Variants in ABTB3 observed in about 807,000 individuals in gnomAD.
The protein encoded by ABTB3 is ankyrin repeat and BTB domain containing 3, also known as ankyrin repeat- and BTB/POZ domain-containing protein 3.
chr12:107,584,300 C>T, the ABTB3 span, among the ~76,000 whole-genome samples: 1 of 152,184 alleles, frequency 6.6e-6, no homozygotes, highest in African/African-American at 2.4e-5. Flanking sequence ...CATAGCTGTC[C>T]CCAACAACTG....
At chr12:107,478,595 T>C in the ABTB3 span, among the ~76,000 whole-genome samples, 1 of 152,208 alleles carries the variant, frequency 6.6e-6, no homozygotes, top group Non-Finnish European at 1.5e-5. Context: ...TTTTCCATCA[T>C]GTGAAGAGTT....
chr12:107,512,444 C>G, the ABTB3 span, among the ~76,000 whole-genome samples: 2 of 152,124 alleles, frequency 1.3e-5, no homozygotes, highest in African/African-American at 4.8e-5. Flanking sequence ...TAAAGGTTTT[C>G]CATTTGAGGT....
At chr12:107,448,729 C>G in the ABTB3 span, among the ~76,000 whole-genome samples, 1 of 151,940 alleles carries the variant, frequency 6.6e-6, no homozygotes, top group Non-Finnish European at 1.5e-5. Context: ...CAAACTCCAC[C>G]ACCCAGGTTC....
the ABTB3 span, among the ~76,000 whole-genome samples, chr12:107,474,396 C>T: frequency 6.6e-6 from 1 of 152,128 alleles, no homozygotes; most frequent in East Asian, 1.9e-4. Flanking sequence ...TAATTTATAA[C>T]ACGATATTGA....
chr12:107,555,572 G>A, the ABTB3 span, among the ~76,000 whole-genome samples: 8 of 151,904 alleles, frequency 5.3e-5, no homozygotes, highest in Non-Finnish European at 1.2e-4. Flanking sequence ...ATGGGAAAAC[G>A]GAAAAAAAAT....
chr12:107,601,053 C>A, the ABTB3 span, among the ~76,000 whole-genome samples: 15 of 152,184 alleles, frequency 9.9e-5, no homozygotes, highest in African/African-American at 3.4e-4. Flanking sequence ...TTACGCATTC[C>A]ATGTATTAGG....
the ABTB3 span, chr12:107,580,911 GGAAACT>G: frequency 1.3e-6 from 2 of 1,551,292 alleles, no homozygotes; most frequent in East Asian, 4.9e-5. Context: ...CTACAGATGA[GGAAACT>G]GAGGCCCAAG....
chr12:107,557,281 A>G, the ABTB3 span, among the ~76,000 whole-genome samples: 3 of 152,110 alleles, frequency 2.0e-5, no homozygotes, highest in Non-Finnish European at 4.4e-5. Flanking sequence ...CCTGTCTAGC[A>G]TGTTACTCTA....
the ABTB3 span, among the ~76,000 whole-genome samples, chr12:107,381,859 T>C: frequency 6.6e-6 from 1 of 152,206 alleles, no homozygotes; most frequent in Non-Finnish European, 1.5e-5. Context: ...AGGATCAGCC[T>C]CAGCAGGGCA....
the ABTB3 span, among the ~76,000 whole-genome samples, chr12:107,561,152 G>A: frequency 3.3e-5 from 5 of 152,080 alleles, no homozygotes; most frequent in African/African-American, 4.8e-5. Context: ...CCTTTGTCCC[G>A]TTGCTCTGTA....
At chr12:107,535,180 A>T in the ABTB3 span, among the ~76,000 whole-genome samples, 2 of 152,188 alleles carry the variant, frequency 1.3e-5, no homozygotes, top group East Asian at 3.9e-4. Context: ...CAGGGTAAAG[A>T]ACAAAAACCA....
chr12:107,496,438 A>G, the ABTB3 span, among the ~76,000 whole-genome samples: 1 of 152,174 alleles, frequency 6.6e-6, no homozygotes, highest in Non-Finnish European at 1.5e-5. Flanking sequence ...GGCAGGGGAT[A>G]TAAAGATGCA....
the ABTB3 span, among the ~76,000 whole-genome samples, chr12:107,523,910 C>T: frequency 6.6e-6 from 1 of 152,166 alleles, no homozygotes; most frequent in Non-Finnish European, 1.5e-5. Flanking sequence ...CACCATGTGG[C>T]CCACACACAC....
the ABTB3 span, among the ~76,000 whole-genome samples, chr12:107,504,303 C>G: frequency 6.6e-6 from 1 of 152,208 alleles, no homozygotes; most frequent in East Asian, 1.9e-4. Flanking sequence ...TTTTACGTGC[C>G]ATTAACATCT....
At chr12:107,632,492 C>T in the ABTB3 span, among the ~76,000 whole-genome samples, 1 of 152,176 alleles carries the variant, frequency 6.6e-6, no homozygotes. Context: ...ACCACGTGTC[C>T]ACTATGTGTC....
chr12:107,617,641 T>C, the ABTB3 span: 2 of 602,006 alleles, frequency 3.3e-6, no homozygotes, highest in East Asian at 5.8e-5. Flanking sequence ...CAGAATGCTT[T>C]ATTTTACCTG....
chr12:107,415,923 A>G, the ABTB3 span, among the ~76,000 whole-genome samples: 1 of 152,002 alleles, frequency 6.6e-6, no homozygotes, highest in African/African-American at 2.4e-5. Flanking sequence ...ACACTCTGAC[A>G]GTCTGAGTCT....
the ABTB3 span, among the ~76,000 whole-genome samples, chr12:107,357,000 T>C: frequency 0.71 from 108,707 of 152,194 alleles, 39,571 homozygotes; most frequent in African/African-American, 0.86. Flanking sequence ...TGATTGAAGG[T>C]TAGCTGTAAT....
At chr12:107,654,325 A>G in the ABTB3 span, among the ~76,000 whole-genome samples, 17,027 of 151,752 alleles carry the variant, frequency 0.11, 1,212 homozygotes, top group African/African-American at 0.19. Flanking sequence ...TTGTTTTTTA[A>G]TCTTGCTCTG....
Sources: allele counts gnomAD v4.1 joint callset (sites outside exome capture counted in the v4.1 genomes callset), GRCh38; gene constraint gnomAD v4.1.1; transcripts MANE v1.5; gene names NCBI Gene and HGNC (gene_info 2026-07-23, HGNC 2026-07-21).